Variants in ANKRD13D observed in about 807,000 individuals in gnomAD.
ANKRD13D encodes the protein ankyrin repeat domain 13D, also known as ankyrin repeat domain-containing protein 13D.
ANKRD13D carries 24 observed loss-of-function variants against 68.8 expected under a neutral mutation model. The ratio of observed to expected loss-of-function variants is 0.35; its 90% confidence interval spans 0.25 to 0.49. The LOEUF (loss-of-function observed/expected upper bound fraction) is 0.49, where lower values mean the gene tolerates loss of function less well. ANKRD13D is among the 20% of genes least tolerant of loss of function. The pLI is 0.99. For missense variants in ANKRD13D, 735 were observed against 832.1 expected, an observed-to-expected ratio of 0.88 and a Z score of 1.44; for synonymous variants, 331 against 336.1, an observed-to-expected ratio of 0.98 and a Z score of 0.16.
intron 1 of ANKRD13D, 83 bp from the exon 2 acceptor site, chr11:67,289,995 G>T: frequency 4.1e-6 from 6 of 1,469,752 alleles, no homozygotes; most frequent in South Asian, 2.7e-5. Flanking sequence ...TTCCCACAGC[G>T]ATTCCCAACC....
At position 67,301,026 on chromosome 11, in the gene ANKRD13D, G is replaced by C; in HGVS notation, c.1110G>C (p.Pro370=). ...KATLWLSEEH[P]LSLGDQVTPI... Reference sequence around the variant, plus strand: ...CACTGTGGCTGAGTGAAGAGCACCCGCTCTCCCTGGGTGACCAGGTGACCC... The same window carrying C: ...CACTGTGGCTGAGTGAAGAGCACCCCCTCTCCCTGGGTGACCAGGTGACCC... The change falls in exon 11 of 15, where the codon CCG becomes CCC. Residue 370 remains proline (P), a synonymous_variant. Coordinates refer to ENST00000511455, the MANE Select transcript of ANKRD13D (RefSeq NM_207354.3). This position sits in a 1 kb window ranked among gnomAD's most constrained non-coding sequence, Gnocchi z 4.5. 2 of 1,613,924 alleles carry C rather than the reference G, an allele frequency of 1.2e-6. No individual in the cohort carries two copies. Among genetic ancestry groups the C allele is most frequent in the South Asian group, 1.1e-5 (1 of 91,090 alleles).
At position 67,301,348 on chromosome 11, in the gene ANKRD13D, C is replaced by G; in HGVS notation, c.1298C>G (p.Pro433Arg). 1 of 1,613,684 alleles carries G rather than the reference C, an allele frequency of 6.2e-7. No homozygotes were observed. Among genetic ancestry groups the G allele is most frequent in the East Asian group, 2.2e-5 (1 of 44,882 alleles). ...AGCAACCTGTGTGGCTGTGATGAGC[C>G]CCTGAGCTCCGTGTGGGTGCCGGCC... ...TFSNLCGCDE[P>R]LSSVWVPAPS... The change falls in exon 12 of 15, where the codon CCC (proline) becomes CGC (arginine). Residue 433 changes from proline (P) to arginine (R), a missense_variant. Transcript: ENST00000511455. The surrounding 1 kb of genome is among the most constrained non-coding windows in gnomAD (Gnocchi z 4.5).
Position 67,300,232 on chromosome 11 carries a change from G to C in ANKRD13D, c.1073+109G>C. 2 of 1,482,488 alleles carry C rather than the reference G, an allele frequency of 1.3e-6. No homozygotes were observed. The highest frequency in any genetic ancestry group is 1.3e-5 in the South Asian group (1 of 78,394). 91.8% of individuals were successfully genotyped at this position (1,482,488 alleles called of 1,614,324 possible). On this transcript the variant is annotated intron_variant, in intron 10 of 14. Transcript: ENST00000511455. This position sits in a 1 kb window ranked among gnomAD's most constrained non-coding sequence, Gnocchi z 4.3. ...CCACTCCCTCGGCTGGCTTCTCTCT[G>C]GACTCCACTCCTGGAGGGCAGGAGT...
chr11:67,302,222 C>T lies in ANKRD13D; in HGVS notation c.1708C>T (p.Arg570Cys), dbSNP rs779492395. The T allele has an allele frequency of 7.6e-6, 12 of 1,581,650 alleles. No individual in the cohort carries two copies. Among genetic ancestry groups the T allele is most frequent in the Admixed American group, 3.6e-5 (2 of 55,954 alleles). ...TCCACCCAGCTTTGAAGAGCAGCTG[C>T]GCCTGGCCCTGGAGTTGTCTTCACG... ...PGPPSFEEQLRLALELSSREQ... is the reference protein window; with the variant it reads ...PGPPSFEEQLCLALELSSREQ... The change falls in exon 15 of 15, where the codon CGC becomes TGC. Residue 570 changes from arginine to cysteine, a missense_variant. Transcript: ENST00000511455.
chr11:67,295,697 C>A (rs1860733629), intron 6 of ANKRD13D, among the ~76,000 whole-genome samples: 1 of 152,156 alleles, frequency 6.6e-6, no homozygotes, highest in South Asian at 2.1e-4. Flanking sequence ...GATTGTGCCA[C>A]TGCACTCCAG....
Position 67,299,358 on chromosome 11 carries a change from C to A in ANKRD13D, c.799-172C>A. On this transcript the variant is annotated intron_variant, in intron 7 of 14. Transcript: ENST00000511455. This position sits in a 1 kb window ranked among gnomAD's most constrained non-coding sequence, Gnocchi z 6.2. The stretch of plus-strand genomic sequence containing the variant: ...GAGTGTGTTCCTCTTGACCCTGGGG[C>A]TGCATCTCCTCGTTGGTGACTTCCT... 1.4e-6 allele frequency: 1 copy of A among 706,720 alleles called. No homozygotes were observed. The allele number at this position is 706,720 out of a possible 1,614,324, so 43.8% of individuals were successfully genotyped here. A position where few individuals can be genotyped will look rare whatever the true frequency, so the allele number is the denominator to read the frequency against.
Position 67,299,808 on chromosome 11 carries a change from TCCCA to T in ANKRD13D, c.881-15_881-12del, listed in dbSNP as rs762258196. ...GCGAGCATTGTGACCCCTTACCAGC[TCCCA>T]CCCCTTCTCCGTAGCGGGGAAGACT... is the stretch of plus-strand genomic sequence containing the variant. On this transcript the variant is annotated splice_polypyrimidine_tract_variant and intron_variant, in intron 8 of 14. Transcript: ENST00000511455. This position sits in a 1 kb window ranked among gnomAD's most constrained non-coding sequence, Gnocchi z 6.2. The T allele has an allele frequency of 1.3e-6, 2 of 1,531,948 alleles. No individual in the cohort carries two copies. 94.9% of individuals were successfully genotyped at this position (1,531,948 alleles called of 1,614,324 possible).
chr11:67,295,214 G>A (rs1009138672), intron 6 of ANKRD13D, among the ~76,000 whole-genome samples: 2 of 151,410 alleles, frequency 1.3e-5, no homozygotes, highest in African/African-American at 2.4e-5. Flanking sequence ...TCAGGAGATC[G>A]AGACCATCCT....
In ANKRD13D at chr11:67,300,526, G is replaced by A. The variant is rs565595075; in HGVS notation, c.1073+403G>A. The A allele has an allele frequency of 4.0e-4, 131 of 328,980 alleles. No individual in the cohort carries two copies. The highest frequency in any genetic ancestry group is 2.6e-3 in the African/African-American group (125 of 47,470). 20.4% of individuals were successfully genotyped at this position (328,980 alleles called of 1,614,324 possible). On this transcript the variant is annotated intron_variant, in intron 10 of 14. Coordinates refer to ENST00000511455, the MANE Select transcript of ANKRD13D (RefSeq NM_207354.3). The surrounding 1 kb of genome is among the most constrained non-coding windows in gnomAD (Gnocchi z 4.3). Reference sequence around the variant, plus strand: ...TATAGGCGGTAACAGCAGGCACAGTGCCTGCACAAGCCTAGCGCTCTCCCC... The same window carrying A: ...TATAGGCGGTAACAGCAGGCACAGTACCTGCACAAGCCTAGCGCTCTCCCC...
In ANKRD13D at chr11:67,301,086, C is replaced by G. The variant is rs774738435; in HGVS notation, c.1170C>G (p.His390Gln). 1 of 1,614,104 alleles carries G rather than the reference C, an allele frequency of 6.2e-7. No individual in the cohort carries two copies. Among genetic ancestry groups the G allele is most frequent in the Non-Finnish European group, 8.5e-7 (1 of 1,180,038 alleles). The change falls in exon 11 of 15, where the codon CAC becomes CAG. Residue 390 changes from histidine (H) to glutamine (Q), a missense_variant. By Grantham distance (24) the His-to-Gln change is conservative. Transcript: ENST00000511455. This position sits in a 1 kb window ranked among gnomAD's most constrained non-coding sequence, Gnocchi z 4.5. ...IIDLMAISNAHFAKLRDFITL... is the reference protein window; with the variant it reads ...IIDLMAISNAQFAKLRDFITL... ...ACCTAATGGCCATCAGCAACGCTCA[C>G]TTTGCCAAGCTGCGCGACTTCATCA... is the stretch of plus-strand genomic sequence containing the variant.
At position 67,302,346 on chromosome 11, in the gene ANKRD13D, G is replaced by A. The variant is rs1003930547; in HGVS notation, c.*14G>A. 1.3e-6 allele frequency: 2 copies of A among 1,493,448 alleles called. No individual in the cohort carries two copies. Among genetic ancestry groups the A allele is most frequent in the Non-Finnish European group, 1.8e-6 (2 of 1,112,028 alleles). The allele number at this position is 1,493,448 out of a possible 1,614,324, so 92.5% of individuals were successfully genotyped here. A position where few individuals can be genotyped will look rare whatever the true frequency, so the allele number is the denominator to read the frequency against. On this transcript the variant is annotated 3_prime_UTR_variant, in exon 15 of 15. Coordinates refer to ENST00000511455, the MANE Select transcript of ANKRD13D (RefSeq NM_207354.3). The stretch of plus-strand genomic sequence containing the variant: ...ACTGAGCACTGAGCCATAGCCCCGG[G>A]AGGGCTGGCCAGGCCACTCCCTGCC...
chr11:67,302,133 G>A lies in ANKRD13D; in HGVS notation c.1619G>A (p.Ser540Asn). 1 of 1,581,658 alleles carries A rather than the reference G, an allele frequency of 6.3e-7. No homozygotes were observed. Among genetic ancestry groups the A allele is most frequent in the Non-Finnish European group, 8.6e-7 (1 of 1,163,850 alleles). ...CTGCCTGGAAGGGCCCTCCAGGAAA[G>A]CCTGCAGCTGTCCACAGAGCCCAGG... Reference protein sequence around the residue: ...QLQLERALQESLQLSTEPRGP... With the variant: ...QLQLERALQENLQLSTEPRGP... Residue 540 changes from serine (S) to asparagine (N), a missense_variant, in exon 15 of 15, where the codon AGC becomes AAC. Coordinates refer to ENST00000511455, the MANE Select transcript of ANKRD13D (RefSeq NM_207354.3).
Position 67,290,436 on chromosome 11 carries a change from A to G in ANKRD13D, c.341A>G (p.Lys114Arg). ...GCGGGCATTCCGGAACTGCTCAACA[A>G]ACTTCGCCAGGTACAGCAGGGCACA... ...RLAGIPELLN[K>R]LRQAPDFYVE... The change falls in exon 3 of 15, where the codon AAA (lysine) becomes AGA (arginine). Residue 114 changes from lysine (K) to arginine (R), a missense_variant. Lys to Arg is a conservative substitution (Grantham distance 26, BLOSUM62 2). Transcript: ENST00000511455. 6.3e-7 allele frequency: 1 copy of G among 1,584,616 alleles called. No individual in the cohort carries two copies. The highest frequency in any genetic ancestry group is 8.6e-7 in the Non-Finnish European group (1 of 1,166,744).
At chr11:67,294,020 C>T (rs1860674907) in intron 6 of ANKRD13D, among the ~76,000 whole-genome samples, 2 of 152,140 alleles carry the variant, frequency 1.3e-5, no homozygotes, top group African/African-American at 4.8e-5. Flanking sequence ...GTCTTGTCAC[C>T]CTTGTCGAAA....
intron 3 of ANKRD13D, 175 bp downstream of exon 3, chr11:67,290,621 C>G (rs768849821): frequency 9.5e-7 from 1 of 1,050,088 alleles, no homozygotes; most frequent in African/African-American, 1.6e-5. Flanking sequence ...GAGAGACGGC[C>G]AGGCTCACGT....
At position 67,299,274 on chromosome 11, in the gene ANKRD13D, G is replaced by T; in HGVS notation, c.798+150G>T. ...CGGGCCTGAGTGCCCAGCCCCTGCG[G>T]AGTACACAGGGCTCACCCACATCAT... On this transcript the variant is annotated intron_variant, in intron 7 of 14. Transcript: ENST00000511455. The surrounding 1 kb of genome is among the most constrained non-coding windows in gnomAD (Gnocchi z 6.2). 2 of 931,974 alleles carry T rather than the reference G, an allele frequency of 2.1e-6. No homozygotes were observed. The highest frequency in any genetic ancestry group is 3.3e-6 in the Non-Finnish European group (2 of 604,238). 57.7% of individuals were successfully genotyped at this position (931,974 alleles called of 1,614,324 possible).
rs1860432584 is a variant in ANKRD13D, at chr11:67,289,382, C to T, written c.-79C>T. 8.4e-6 allele frequency: 9 copies of T among 1,073,006 alleles called. No homozygotes were observed. Among genetic ancestry groups the T allele is most frequent in the Non-Finnish European group, 1.1e-5 (9 of 854,812 alleles). The allele number at this position is 1,073,006 out of a possible 1,614,324, so 66.5% of individuals were successfully genotyped here. On this transcript the variant is annotated 5_prime_UTR_variant, in exon 1 of 15. Coordinates refer to ENST00000511455, the MANE Select transcript of ANKRD13D (RefSeq NM_207354.3). ...GGGGCCGCGGGGGGCGCAGCTGGGG[C>T]GCGGCTCGGAGGGGAGGCTAGGGGG... is the stretch of plus-strand genomic sequence containing the variant.
In ANKRD13D at chr11:67,299,693, C is replaced by T. The variant is rs1860899799; in HGVS notation, c.880+82C>T. 1 of 1,530,216 alleles carries T rather than the reference C, an allele frequency of 6.5e-7. No homozygotes were observed. The highest frequency in any genetic ancestry group is 1.4e-5 in the African/African-American group (1 of 72,986). 94.8% of individuals were successfully genotyped at this position (1,530,216 alleles called of 1,614,324 possible). A position where few individuals can be genotyped will look rare whatever the true frequency, so the allele number is the denominator to read the frequency against. ...GGCCTGGGATTAGGGGCCAGAGTTT[C>T]CCAGGATGAGCTGGGAGGCCTCCCC... On this transcript the variant is annotated intron_variant, in intron 8 of 14. Coordinates refer to ENST00000511455, the MANE Select transcript of ANKRD13D (RefSeq NM_207354.3). This position sits in a 1 kb window ranked among gnomAD's most constrained non-coding sequence, Gnocchi z 6.2.
chr11:67,292,206 G>A lies in ANKRD13D; in HGVS notation c.731+26G>A, dbSNP rs1565076429. ...GTCGGTCGGGTCCTGGCACACCGTG[G>A]GTGGGATGGGGACGGATAGCAAGAG... is the stretch of plus-strand genomic sequence containing the variant. On this transcript the variant is annotated intron_variant, in intron 6 of 14. Coordinates refer to ENST00000511455, the MANE Select transcript of ANKRD13D (RefSeq NM_207354.3). 1 of 1,562,894 alleles carries A rather than the reference G, an allele frequency of 6.4e-7. No individual in the cohort carries two copies. Among genetic ancestry groups the A allele is most frequent in the Non-Finnish European group, 8.7e-7 (1 of 1,146,004 alleles).
Sources: gnomAD v4.1 joint callset for allele counts (sites outside exome capture counted in the v4.1 genomes callset) on GRCh38, gnomAD v4.1.1 for gene constraint, Gnocchi (gnomAD v3.1) non-coding constraint, MANE v1.5 for transcripts, NCBI Gene and HGNC (gene_info 2026-07-23, HGNC 2026-07-21) for gene names.